The following CADM2 variants were observed in gnomAD, a reference collection of about 807,000 sequenced individuals.
CADM2 encodes the protein immunoglobulin superfamily member 4D.
Under a neutral mutation model 49.8 loss-of-function variants are expected in CADM2, and 12 were observed. The ratio of observed to expected loss-of-function variants is 0.24; its 90% confidence interval spans 0.15 to 0.39. The LOEUF (loss-of-function observed/expected upper bound fraction) is 0.39. CADM2 is among the 10% of genes least tolerant of loss of function. The pLI, the probability that CADM2 is intolerant of heterozygous loss-of-function variation, is 1.00. For missense variants in CADM2, 378 were observed against 492.3 expected (o/e 0.77, Z 2.20); for synonymous variants, 214 against 175.4 (o/e 1.22, Z -1.74).
chr3:85,535,480 A>G (rs1461203512), intron 1 of CADM2, among the ~76,000 whole-genome samples: 1 of 152,150 alleles, frequency 6.6e-6, no homozygotes, highest in African/African-American at 2.4e-5. Flanking sequence ...TGAATTAGAC[A>G]AGCTCTGTTT....
intron 8 of CADM2, among the ~76,000 whole-genome samples, chr3:85,984,202 T>C (rs1220905503): frequency 6.6e-6 from 1 of 150,684 alleles, no homozygotes; most frequent in African/African-American, 2.4e-5. Flanking sequence ...TGTATGCACA[T>C]ATATTATACA....
intron 1 of CADM2, among the ~76,000 whole-genome samples, chr3:85,217,582 AT>A (rs1167354024): frequency 3.0e-4 from 46 of 152,096 alleles, no homozygotes; most frequent in African/African-American, 1.1e-3. Flanking sequence ...ATGGAAACAA[AT>A]ATCTCTCTGC....
intron 1 of CADM2, among the ~76,000 whole-genome samples, chr3:85,343,661 A>G (rs2030204997): frequency 6.6e-6 from 1 of 152,196 alleles, no homozygotes; most frequent in South Asian, 2.1e-4. Context: ...TGAATAGTGT[A>G]AGAAACACAA....
intron 1 of CADM2, among the ~76,000 whole-genome samples, chr3:85,118,748 T>C (rs2107585607): frequency 6.6e-6 from 1 of 152,280 alleles, no homozygotes; most frequent in African/African-American, 2.4e-5. Flanking sequence ...TTTATATTTA[T>C]TTATTTACTT....
rs2107606491 is a variant in CADM2 at position 85,129,424 on chromosome 3, G to A, written c.61+169756G>A. Reference sequence around the variant, plus strand: ...GCAATTGTGTATTTAAGAAATGATGGCCACTATCACTTTAATTTTCTCTTT... The same window carrying A: ...GCAATTGTGTATTTAAGAAATGATGACCACTATCACTTTAATTTTCTCTTT... On this transcript the variant is annotated intron_variant, in intron 1 of 9. Transcript: ENST00000383699. 1.3e-5 allele frequency among the ~76,000 whole-genome samples: 2 copies of A among 152,048 alleles called. 1 individual carries two copies. The highest frequency in any genetic ancestry group is 4.2e-4 in the South Asian group (2 of 4,802).
rs540476557 is a variant in CADM2, at chr3:85,266,429, T to C, written c.61+306761T>C. Among the ~76,000 whole-genome samples, 3 of 151,976 alleles carry C rather than the reference T, an allele frequency of 2.0e-5. No homozygotes were observed. In the East Asian group the frequency reaches 5.8e-4, roughly 29 times the overall value. ...ATAGATTCAGACTGTGACAGATGTC[T>C]GACAGGTAAAAAGGTTGTTTTTATA... On this transcript the variant is annotated intron_variant, in intron 1 of 9. Coordinates refer to ENST00000383699, the MANE Select transcript of CADM2 (RefSeq NM_001167675.2).
intron 1 of CADM2, among the ~76,000 whole-genome samples, chr3:84,979,315 CGT>C (rs540767613): frequency 1.6e-4 from 25 of 152,034 alleles, no homozygotes; most frequent in Admixed American, 1.3e-3. Flanking sequence ...ATGGAGGAAA[CGT>C]GTATATTTAT....
At chr3:85,283,863 AT>A (rs2043563351) in intron 1 of CADM2, among the ~76,000 whole-genome samples, 1 of 152,158 alleles carries the variant, frequency 6.6e-6, no homozygotes, top group Non-Finnish European at 1.5e-5. Flanking sequence ...CAGCCTTGTA[AT>A]TATAACTTAG....
intron 1 of CADM2, among the ~76,000 whole-genome samples, chr3:85,074,415 TTA>T (rs1159690389): frequency 6.6e-6 from 1 of 152,116 alleles, no homozygotes; most frequent in Non-Finnish European, 1.5e-5. Context: ...CCTGAAAATC[TTA>T]TGTCTTGCCA....
chr3:85,366,676 A>G (rs2032810067), intron 1 of CADM2, among the ~76,000 whole-genome samples: 1 of 152,190 alleles, frequency 6.6e-6, no homozygotes, highest in African/African-American at 2.4e-5. Context: ...CATTTGTTTT[A>G]AATGACTTGA....
At chr3:85,667,696 T>C (rs2065610818) in intron 1 of CADM2, among the ~76,000 whole-genome samples, 1 of 152,074 alleles carries the variant, frequency 6.6e-6, no homozygotes, top group Non-Finnish European at 1.5e-5. Context: ...ACTAGTCTTC[T>C]AATCTTCTTG....
rs771188436 is a variant in CADM2 at position 85,912,399 on chromosome 3, G to T, written c.556G>T (p.Ala186Ser). ...TGTAAAATATTTAAAAGAAGAGGAT[G>T]CAAATCGCAAGACATTCACTGTCAG... ...KDVKYLKEED[A>S]NRKTFTVSST... Residue 186 changes from alanine (A) to serine (S), a missense_variant, in exon 6 of 10, where the codon GCA (alanine) becomes TCA (serine). Coordinates refer to ENST00000383699, the MANE Select transcript of CADM2 (RefSeq NM_001167675.2). 6.2e-7 allele frequency: 1 copy of T among 1,610,340 alleles called. No homozygotes were observed. The highest frequency in any genetic ancestry group is 8.5e-7 in the Non-Finnish European group (1 of 1,178,378).
chr3:85,603,567 C>T (rs1241773180), intron 1 of CADM2, among the ~76,000 whole-genome samples: 1 of 151,712 alleles, frequency 6.6e-6, no homozygotes, highest in Non-Finnish European at 1.5e-5. Flanking sequence ...CCAGGGGAAA[C>T]AAAGGGGCTA....
At chr3:85,270,706 C>T (rs1364573234) in intron 1 of CADM2, among the ~76,000 whole-genome samples, 1 of 151,110 alleles carries the variant, frequency 6.6e-6, no homozygotes, top group African/African-American at 2.4e-5. Context: ...ATCTGGTTCC[C>T]ATTGTTTGTC....
chr3:85,149,198 C>A (rs1301696760), intron 1 of CADM2, among the ~76,000 whole-genome samples: 2 of 151,798 alleles, frequency 1.3e-5, no homozygotes, highest in Non-Finnish European at 1.5e-5. Context: ...CCTCTCCAAA[C>A]TCATGGTGAA....
chr3:85,471,679 AT>A (rs1249038117), intron 1 of CADM2, among the ~76,000 whole-genome samples: 4 of 83,992 alleles, frequency 4.8e-5, no homozygotes, highest in Non-Finnish European at 1.1e-4. Flanking sequence ...TCCTGGTTAT[AT>A]TTTTAGCATT....
chr3:85,690,949 T>C (rs1194643269), intron 1 of CADM2, among the ~76,000 whole-genome samples: 1 of 152,204 alleles, frequency 6.6e-6, no homozygotes, highest in Non-Finnish European at 1.5e-5. Flanking sequence ...CTTCTAGCTA[T>C]TTTGCCATAT....
At chr3:86,045,543 G>A (rs1736559534) in intron 8 of CADM2, among the ~76,000 whole-genome samples, 1 of 152,124 alleles carries the variant, frequency 6.6e-6, no homozygotes, top group African/African-American at 2.4e-5. Context: ...AACCACATAA[G>A]CAGATGTTCC....
intron 1 of CADM2, among the ~76,000 whole-genome samples, chr3:85,466,407 A>C (rs1576606195): frequency 6.6e-6 from 1 of 152,192 alleles, no homozygotes. Context: ...AAATCTATCC[A>C]TGTGAAACTA....
Sources: gnomAD v4.1 joint callset for allele counts (sites outside exome capture counted in the v4.1 genomes callset) on GRCh38, gnomAD v4.1.1 for gene constraint, MANE v1.5 for transcripts, NCBI Gene and HGNC (gene_info 2026-07-23, HGNC 2026-07-21) for gene names.